The following C16orf46 variants were observed in gnomAD, a reference collection of about 807,000 sequenced individuals.
C16orf46 encodes the protein uncharacterized protein C16orf46.
Under a neutral mutation model 5.5 loss-of-function variants are expected in C16orf46, and 7 were observed. That is an observed-to-expected ratio of 1.28 (90% CI 0.73 to 2.40). C16orf46 has a LOEUF of 2.40. Among genes scored for constraint, C16orf46 ranks in the 30% most tolerant of loss-of-function variants. The pLI, the probability that C16orf46 is intolerant of heterozygous loss-of-function variation, is 0.00. For synonymous variants in C16orf46, 200 were observed against 184.1 expected (o/e 1.09, Z -0.70); for missense variants, 614 against 476.0 (o/e 1.29, Z -2.70).
intron 1 of C16orf46, among the ~76,000 whole-genome samples, chr16:81,069,583 C>T (rs905712369): frequency 6.6e-6 from 1 of 152,198 alleles, no homozygotes; most frequent in African/African-American, 2.4e-5. Context: ...CCTTCTATAT[C>T]TCCAGGAGGA....
At chr16:81,068,758 G>C (rs947625455) in intron 1 of C16orf46, among the ~76,000 whole-genome samples, 4 of 151,946 alleles carry the variant, frequency 2.6e-5, no homozygotes, top group Admixed American at 6.6e-5. Context: ...CTGGAGTGCA[G>C]TGCCATGATT....
chr16:81,063,771 A>G lies in C16orf46; in HGVS notation c.185T>C (p.Ile62Thr). Residue 62 changes from isoleucine to threonine, a missense_variant, in exon 3 of 4, where the codon ATT becomes ACT. Coordinates refer to ENST00000299578, the MANE Select transcript of C16orf46 (RefSeq NM_152337.3). ...LEQDEKAKEF[I>T]IGTGWEEAVQ... ...TGCCTCTTCCCATCCAGTTCCAATA[A>G]TAAACTCTTTGGCTTTTTCATCTTG... 1 of 1,613,848 alleles carries G rather than the reference A, an allele frequency of 6.2e-7. No homozygotes were observed. The highest frequency in any genetic ancestry group is 8.5e-7 in the Non-Finnish European group (1 of 1,179,812).
rs751971056 is a variant in C16orf46 at position 81,061,428 on chromosome 16, T to G, written c.921A>C (p.Lys307Asn). 2 of 1,614,010 alleles carry G rather than the reference T, an allele frequency of 1.2e-6. No individual in the cohort carries two copies. The highest frequency in any genetic ancestry group is 1.7e-6 in the Non-Finnish European group (2 of 1,180,028). ...RCLHWSLLSEKNLACPPDPSN... is the reference protein window; with the variant it reads ...RCLHWSLLSENNLACPPDPSN... ...TGGGGTCTGGAGGGCACGCCAGGTT[T>G]TTCTCAGACAGGAGGGACCAATGCA... The change falls in exon 4 of 4, where the codon AAA (lysine) becomes AAC (asparagine). Residue 307 changes from lysine (K) to asparagine (N), a missense_variant. Transcript: ENST00000299578.
downstream of C16orf46, chr16:81,060,954 T>G: frequency 1.5e-6 from 2 of 1,349,958 alleles, no homozygotes; most frequent in Non-Finnish European, 9.5e-7. Context: ...ATATGGTGTT[T>G]TAGAAAATAA....
rs562075503 is a variant in C16orf46, at chr16:81,073,041, G to C, written c.-128+4095C>G. Among the ~76,000 whole-genome samples, 3 of 152,298 alleles carry C rather than the reference G, an allele frequency of 2.0e-5. No individual in the cohort carries two copies. In the East Asian group the frequency reaches 5.8e-4, roughly 29 times the overall value. On this transcript the variant is annotated intron_variant, in intron 1 of 3. Transcript: ENST00000299578. ...CATACTAAAGGGAACTAGCTATTTA[G>C]TCCTCTAAATTATAGCTACCTTATA...
intron 2 of C16orf46, among the ~76,000 whole-genome samples, chr16:81,064,231 G>A (rs761102687): frequency 6.6e-6 from 1 of 151,724 alleles, no homozygotes; most frequent in Non-Finnish European, 1.5e-5. Context: ...TAAAAATAAG[G>A]CGGGCACCTG....
At position 81,075,782 on chromosome 16, in the gene C16orf46, T is replaced by A. The variant is rs575067030; in HGVS notation, c.-128+1354A>T. ...TAGTCAGATTACAAATATCTTACCG[T>A]AGCTTCCTATACCTGGTTGACAGAT... On this transcript the variant is annotated intron_variant, in intron 1 of 3. Coordinates refer to ENST00000299578, the MANE Select transcript of C16orf46 (RefSeq NM_152337.3). Among the ~76,000 whole-genome samples, 8 of 152,304 alleles carry A rather than the reference T, an allele frequency of 5.3e-5. No homozygotes were observed. The East Asian group carries it at 1.2e-3, about 22-fold the overall frequency.
chr16:81,061,483 GATATCT>G lies in C16orf46; in HGVS notation c.860_865del (p.Gln287_Ser289delinsPro), dbSNP rs1453345438. On this transcript the variant is annotated inframe_deletion, in exon 4 of 4. Coordinates refer to ENST00000299578, the MANE Select transcript of C16orf46 (RefSeq NM_152337.3). ...GCGCTGCTCCGGATCGGTCAGCAGG[GATATCT>G]GGGCCGCTGGGGAAGGGGAGGATGG... 1 of 1,614,198 alleles carries G rather than the reference GATATCT, an allele frequency of 6.2e-7. No homozygotes were observed.
chr16:81,056,867 C>T (rs866351752), downstream of C16orf46, among the ~76,000 whole-genome samples: 159 of 152,226 alleles, frequency 1.0e-3, 2 homozygotes, highest in African/African-American at 3.7e-3. Flanking sequence ...TTCACACCTG[C>T]ACCAAGGCAC....
At chr16:81,075,754 A>G (rs1338633570) in intron 1 of C16orf46, among the ~76,000 whole-genome samples, 1 of 152,184 alleles carries the variant, frequency 6.6e-6, no homozygotes, top group African/African-American at 2.4e-5. Flanking sequence ...CAGTCTGTCT[A>G]TATAGTCAGA....
At chr16:81,055,678 G>T (rs142591813) in intron 3 of C16orf46, among the ~76,000 whole-genome samples, 5 of 152,256 alleles carry the variant, frequency 3.3e-5, no homozygotes, top group African/African-American at 1.2e-4. Flanking sequence ...TGGGTAACAG[G>T]TGAAACTCTG....
At chr16:81,059,513 C>G (rs10468366), downstream of C16orf46, among the ~76,000 whole-genome samples, 1 of 152,062 alleles carries the variant, frequency 6.6e-6, no homozygotes, top group African/African-American at 2.4e-5. Context: ...TTAATGATTA[C>G]TCATATCACA....
At position 81,061,215 on chromosome 16, in the gene C16orf46, C is replaced by T. The variant is rs377272864; in HGVS notation, c.1134G>A (p.Pro378=). 4.6e-5 allele frequency: 75 copies of T among 1,613,744 alleles called. No individual in the cohort carries two copies. Among genetic ancestry groups the T allele is most frequent in the African/African-American group, 8.0e-5 (6 of 74,898 alleles). ...TGATAACTCTGCTCACTGTGAGAGA[C>T]GGCAAGACAGGTCTTGGGAAAACTT... is the stretch of plus-strand genomic sequence containing the variant. ...ETKVFPRPVL[P]SLTVSRVIIP... Residue 378 remains proline (P), a synonymous_variant, in exon 4 of 4, where the codon CCG becomes CCA. Coordinates refer to ENST00000299578, the MANE Select transcript of C16orf46 (RefSeq NM_152337.3).
intron 2 of C16orf46, among the ~76,000 whole-genome samples, chr16:81,065,753 G>T (rs1021603469): frequency 6.6e-6 from 1 of 152,090 alleles, no homozygotes; most frequent in Admixed American, 6.5e-5. Context: ...GAAGAGATCG[G>T]TACTTCTTAT....
At position 81,061,807 on chromosome 16, in the gene C16orf46, T is replaced by G; in HGVS notation, c.542A>C (p.Asn181Thr). Reference protein sequence around the residue: ...CNKDWAIPGTNRGKASGNPSG... With the variant: ...CNKDWAIPGTTRGKASGNPSG... ...GGGATTCCCAGAGGCCTTGCCCCTA[T>G]TAGTGCCGGGGATGGCCCAGTCTTT... Residue 181 changes from asparagine (N) to threonine (T), a missense_variant, in exon 4 of 4, where the codon AAT (asparagine) becomes ACT (threonine). Transcript: ENST00000299578. 1 of 1,614,204 alleles carries G rather than the reference T, an allele frequency of 6.2e-7. No homozygotes were observed. The highest frequency in any genetic ancestry group is 8.5e-7 in the Non-Finnish European group (1 of 1,180,036).
intron 2 of C16orf46, among the ~76,000 whole-genome samples, chr16:81,065,075 T>C (rs536354597): frequency 5.9e-5 from 9 of 152,306 alleles, no homozygotes; most frequent in African/African-American, 2.2e-4. Flanking sequence ...TGCAAAGTTG[T>C]AATCCTGATC....
At chr16:81,065,742 G>T (rs1165739883) in intron 2 of C16orf46, among the ~76,000 whole-genome samples, 2 of 152,122 alleles carry the variant, frequency 1.3e-5, no homozygotes, top group Admixed American at 1.3e-4. Context: ...TTTTTGTTTA[G>T]GAAGAGATCG....
chr16:81,070,285 T>A (rs1971805206), intron 1 of C16orf46, among the ~76,000 whole-genome samples: 1 of 152,218 alleles, frequency 6.6e-6, no homozygotes, highest in South Asian at 2.1e-4. Context: ...TTCTTTACAT[T>A]GACAAGCAAG....
At chr16:81,056,841 C>T (rs1359001051), downstream of C16orf46, among the ~76,000 whole-genome samples, 1 of 152,032 alleles carries the variant, frequency 6.6e-6, no homozygotes, top group East Asian at 1.9e-4. Context: ...GCAAGCTGGG[C>T]GTTCCCCCAG....
Sources: gnomAD v4.1 joint callset for allele counts (sites outside exome capture counted in the v4.1 genomes callset) on GRCh38, gnomAD v4.1.1 for gene constraint, MANE v1.5 for transcripts, NCBI Gene and HGNC (gene_info 2026-07-23, HGNC 2026-07-21) for gene names.